SERPINA6: variants seen among roughly 807,000 people sequenced by gnomAD.
SERPINA6 encodes the protein corticosteroid-binding globulin.
Under a neutral mutation model 26.4 loss-of-function variants are expected in SERPINA6, and 19 were observed. That is an observed-to-expected ratio of 0.72 (90% CI 0.50 to 1.06). The LOEUF (loss-of-function observed/expected upper bound fraction) is 1.06. Among genes scored for constraint, SERPINA6 ranks in the 50% least tolerant of loss-of-function variants. The pLI, the probability that SERPINA6 is intolerant of heterozygous loss-of-function variation, is 0.00. For missense variants in SERPINA6, 473 were observed against 504.0 expected, an observed-to-expected ratio of 0.94 and a Z score of 0.59; for synonymous variants, 196 against 199.4, an observed-to-expected ratio of 0.98 and a Z score of 0.14.
At chr14:94,321,398 G>A (rs1895683600) in intron 1 of SERPINA6, among the ~76,000 whole-genome samples, 1 of 152,218 alleles carries the variant, frequency 6.6e-6, no homozygotes, top group African/African-American at 2.4e-5. Flanking sequence ...CCTGGTGACA[G>A]TTCTGCCTCC....
In SERPINA6 at chr14:94,314,423, T is replaced by A; in HGVS notation, c.226A>T (p.Met76Leu). 6.2e-7 allele frequency: 1 copy of A among 1,614,186 alleles called. No homozygotes were observed. The highest frequency in any genetic ancestry group is 8.5e-7 in the Non-Finnish European group (1 of 1,180,032). ...SPVSISMALAMLSLGTCGHTR... is the reference protein window; with the variant it reads ...SPVSISMALALLSLGTCGHTR... ...TGGCCACAGGTGCCCAGGGACAGCATAGCTAAGGCCATGGAGATGCTCACA... is the reference window on the plus strand; with the variant it reads ...TGGCCACAGGTGCCCAGGGACAGCAAAGCTAAGGCCATGGAGATGCTCACA... The change falls in exon 2 of 5, where the codon ATG becomes TTG. Residue 76 changes from methionine (M) to leucine (L), a missense_variant. Physicochemically the swap from Met to Leu is conservative, Grantham distance 15 (BLOSUM62 2). Transcript: ENST00000341584.
At position 94,314,088 on chromosome 14, in the gene SERPINA6, T is replaced by C; in HGVS notation, c.561A>G (p.Ser187=). ...CGAGGATGGCTGGGCTATCCAGCCC[T>C]GAAAACAAGTCGACAATTTTCCCCT... ...KTQGKIVDLF[S]GLDSPAILVL... The change falls in exon 2 of 5, where the codon TCA becomes TCG. Residue 187 remains serine, a synonymous_variant. Transcript: ENST00000341584. 1 of 1,614,188 alleles carries C rather than the reference T, an allele frequency of 6.2e-7. No individual in the cohort carries two copies. Among genetic ancestry groups the C allele is most frequent in the African/African-American group, 1.3e-5 (1 of 75,050 alleles).
At chr14:94,306,750 G>T (rs539943648) in intron 3 of SERPINA6, among the ~76,000 whole-genome samples, 1 of 152,212 alleles carries the variant, frequency 6.6e-6, no homozygotes, top group African/African-American at 2.4e-5. Context: ...CTGTGATTCT[G>T]CAAGAATCTG....
intron 1 of SERPINA6, among the ~76,000 whole-genome samples, chr14:94,318,646 T>C (rs917700466): frequency 2.0e-5 from 3 of 152,098 alleles, no homozygotes; most frequent in Admixed American, 1.3e-4. Flanking sequence ...TTTAACACCA[T>C]ATACAAAAAT....
At chr14:94,307,338 CAA>C (rs1426671522) in intron 3 of SERPINA6, among the ~76,000 whole-genome samples, 1 of 152,142 alleles carries the variant, frequency 6.6e-6, no homozygotes, top group African/African-American at 2.4e-5. Context: ...GGAATTCCCC[CAA>C]AGTCACACAA....
At chr14:94,317,681 A>C (rs561595351) in intron 1 of SERPINA6, among the ~76,000 whole-genome samples, 1 of 152,370 alleles carries the variant, frequency 6.6e-6, no homozygotes, top group South Asian at 2.1e-4. Flanking sequence ...AAGTCCTACA[A>C]CAAAATTAGT....
chr14:94,307,562 T>C (rs1895460440), intron 3 of SERPINA6, among the ~76,000 whole-genome samples: 1 of 152,170 alleles, frequency 6.6e-6, no homozygotes. Flanking sequence ...GAGTATGAGC[T>C]GGAATGCATT....
intron 1 of SERPINA6, among the ~76,000 whole-genome samples, chr14:94,317,571 C>T (rs1305214514): frequency 6.6e-6 from 1 of 152,204 alleles, no homozygotes; most frequent in East Asian, 1.9e-4. Flanking sequence ...TTTTCCTTTT[C>T]ACCCAATAAA....
intron 3 of SERPINA6, among the ~76,000 whole-genome samples, chr14:94,306,854 T>C (rs146106437): frequency 6.6e-6 from 1 of 152,374 alleles, no homozygotes; most frequent in Non-Finnish European, 1.5e-5. Flanking sequence ...CTACGCTTTT[T>C]AACATGTCAA....
intron 1 of SERPINA6, among the ~76,000 whole-genome samples, chr14:94,317,586 A>T (rs1895629658): frequency 6.6e-6 from 1 of 152,166 alleles, no homozygotes; most frequent in Admixed American, 6.5e-5. Flanking sequence ...AATAAATTCC[A>T]TTTTATTCAC....
chr14:94,313,466 T>C lies in SERPINA6; in HGVS notation c.613+570A>G, dbSNP rs564363718. Among the ~76,000 whole-genome samples the C allele has an allele frequency of 5.9e-5, 9 of 152,234 alleles. No homozygotes were observed. In the South Asian group the frequency reaches 1.7e-3, roughly 28 times the overall value. On this transcript the variant is annotated intron_variant, in intron 2 of 4. Coordinates refer to ENST00000341584, the MANE Select transcript of SERPINA6 (RefSeq NM_001756.4). Reference sequence around the variant, plus strand: ...GAAAGTCAGAATCAGAGAGATGTGATGAGGGAAGCAGAGGTGGGAATTTGC... The same window carrying C: ...GAAAGTCAGAATCAGAGAGATGTGACGAGGGAAGCAGAGGTGGGAATTTGC...
At chr14:94,312,531 G>A (rs1895546839) in intron 2 of SERPINA6, among the ~76,000 whole-genome samples, 2 of 152,276 alleles carry the variant, frequency 1.3e-5, no homozygotes, top group South Asian at 4.1e-4. Flanking sequence ...TCGTGGGGGA[G>A]ATGGTCTATG....
At chr14:94,307,930 A>G (rs1444415684) in intron 3 of SERPINA6, among the ~76,000 whole-genome samples, 2 of 152,252 alleles carry the variant, frequency 1.3e-5, no homozygotes, top group Non-Finnish European at 2.9e-5. Context: ...CAAAATGAAA[A>G]CAATCTGAAA....
chr14:94,306,289 TCTC>T (rs1895439486), intron 3 of SERPINA6, 71 bp from the exon 4 acceptor site: 1 of 1,512,720 alleles, frequency 6.6e-7, no homozygotes, highest in Non-Finnish European at 9.2e-7. Context: ...CAGCACCTCT[TCTC>T]CTGGCCAGAC....
chr14:94,310,393 G>C (rs1307921202), intron 2 of SERPINA6, among the ~76,000 whole-genome samples: 2 of 150,082 alleles, frequency 1.3e-5, no homozygotes. Context: ...AGAGTCCCTG[G>C]TGGGAAGCGA....
At chr14:94,304,637 C>A in intron 4 of SERPINA6, 34 bp from the exon 5 acceptor site, 1 of 1,573,722 alleles carries the variant, frequency 6.4e-7, no homozygotes, top group South Asian at 1.1e-5. Context: ...GGTAGTGAGA[C>A]CTGCTGTGCG....
chr14:94,317,017 T>C (rs919999010), intron 1 of SERPINA6, among the ~76,000 whole-genome samples: 3 of 152,184 alleles, frequency 2.0e-5, no homozygotes, highest in Admixed American at 6.5e-5. Flanking sequence ...AGATGGCAGA[T>C]TGTGGGACTT....
At chr14:94,311,763 C>A (rs1212555132) in intron 2 of SERPINA6, among the ~76,000 whole-genome samples, 1 of 151,854 alleles carries the variant, frequency 6.6e-6, no homozygotes, top group African/African-American at 2.4e-5. Flanking sequence ...CGTGGTGAAA[C>A]CCTGTCTGTA....
At chr14:94,322,838 GCCAGCTGAGCCCTC>G (rs1273406959) in intron 1 of SERPINA6, among the ~76,000 whole-genome samples, 1 of 152,154 alleles carries the variant, frequency 6.6e-6, no homozygotes, top group East Asian at 1.9e-4. Flanking sequence ...CCTGCACTGG[GCCAGCTGAGCCCTC>G]CCAGGCCCTG....
Sources: allele counts gnomAD v4.1 joint callset (sites outside exome capture counted in the v4.1 genomes callset), GRCh38; gene constraint gnomAD v4.1.1; transcripts MANE v1.5; gene names NCBI Gene and HGNC (gene_info 2026-07-23, HGNC 2026-07-21).